The following DOCK1 variants were observed in gnomAD, a reference collection of about 807,000 sequenced individuals.
DOCK1 encodes the protein dedicator of cytokinesis protein 1.
Under a neutral mutation model 262.7 loss-of-function variants are expected in DOCK1, and 138 were observed. That is an observed-to-expected ratio of 0.53 (90% CI 0.46 to 0.61). The LOEUF (loss-of-function observed/expected upper bound fraction) is 0.61, where lower values mean the gene tolerates loss of function less well. DOCK1 is among the 20% of genes least tolerant of loss of function. The pLI, the probability that DOCK1 is intolerant of heterozygous loss-of-function variation, is 0.00. For synonymous variants in DOCK1, 866 were observed against 867.4 expected (o/e 1.00, Z 0.03); for missense variants, 1,908 against 2,370.7 (o/e 0.80, Z 4.05).
At position 127,373,812 on chromosome 10, in the gene DOCK1, A is replaced by T; in HGVS notation, c.3464A>T (p.His1155Leu). ...AATGAGATCATCACCAAGCTGGATC[A>T]TGAAGTCGAAGGAGGCAGAGGAGAC... is the stretch of plus-strand genomic sequence containing the variant. ...FENEIITKLD[H>L]EVEGGRGDEQ... The change falls in exon 34 of 52, where the codon CAT (histidine) becomes CTT (leucine). Residue 1155 changes from histidine to leucine, a missense_variant. Around this residue, in one of 9 missense-constraint regions of DOCK1, gnomAD observed 518 missense variants for 575.1 expected, o/e 0.90. Coordinates refer to ENST00000623213, the MANE Select transcript of DOCK1 (RefSeq NM_001290223.2). 1.2e-6 allele frequency: 2 copies of T among 1,611,944 alleles called. No individual in the cohort carries two copies. Among genetic ancestry groups the T allele is most frequent in the Non-Finnish European group, 1.7e-6 (2 of 1,179,056 alleles).
chr10:126,963,922 G>T (rs1482288113), intron 1 of DOCK1, among the ~76,000 whole-genome samples: 1 of 152,040 alleles, frequency 6.6e-6, no homozygotes, highest in Non-Finnish European at 1.5e-5. Context: ...ACTACAGGTC[G>T]TAGAAGCTTG....
At chr10:126,951,202 GGTA>G (rs1231144624) in intron 1 of DOCK1, among the ~76,000 whole-genome samples, 28 of 151,798 alleles carry the variant, frequency 1.8e-4, no homozygotes, top group South Asian at 1.5e-3. Context: ...TGGTAGTATT[GGTA>G]GTGGTGGTGG....
At chr10:126,951,399 T>C (rs1459429717) in intron 1 of DOCK1, among the ~76,000 whole-genome samples, 1 of 151,786 alleles carries the variant, frequency 6.6e-6, no homozygotes, top group Non-Finnish European at 1.5e-5. Flanking sequence ...ATGGTAGTAG[T>C]ATTGCTAATA....
At chr10:127,427,191 G>C (rs978746021) in intron 47 of DOCK1, among the ~76,000 whole-genome samples, 3 of 152,206 alleles carry the variant, frequency 2.0e-5, no homozygotes, top group African/African-American at 4.8e-5. Context: ...CGGCACTGAG[G>C]GGGTGTGCAC....
chr10:127,102,968 C>T lies in DOCK1; in HGVS notation c.2446-3263C>T, dbSNP rs1305741912. 4.6e-5 allele frequency among the ~76,000 whole-genome samples: 7 copies of T among 152,222 alleles called. No individual in the cohort carries two copies. The South Asian group carries it at 1.2e-3, about 27-fold the overall frequency. Reference sequence around the variant, plus strand: ...CCTGAGCCCCCTGTATTCCCCTGCCCGCTTCCCCACCAGCCACTGACATGC... The same window carrying T: ...CCTGAGCCCCCTGTATTCCCCTGCCTGCTTCCCCACCAGCCACTGACATGC... On this transcript the variant is annotated intron_variant, in intron 23 of 51. Transcript: ENST00000623213.
chr10:127,386,415 G>A (rs1332860683), intron 38 of DOCK1, among the ~76,000 whole-genome samples: 1 of 152,052 alleles, frequency 6.6e-6, no homozygotes, highest in African/African-American at 2.4e-5. Context: ...AGCAAGCAAA[G>A]CTTCATCTGT....
intron 33 of DOCK1, among the ~76,000 whole-genome samples, chr10:127,364,010 C>T (rs1306151740): frequency 1.3e-5 from 2 of 152,226 alleles, no homozygotes; most frequent in African/African-American, 4.8e-5. Context: ...ATCCCTAGCA[C>T]GGTGCCTGGC....
At chr10:127,111,053 T>C (rs1272632180) in intron 25 of DOCK1, among the ~76,000 whole-genome samples, 1 of 152,220 alleles carries the variant, frequency 6.6e-6, no homozygotes, top group Non-Finnish European at 1.5e-5. Context: ...CATTTGTGCC[T>C]GGACATTTGG....
intron 27 of DOCK1, among the ~76,000 whole-genome samples, chr10:127,164,108 C>T (rs1311202371): frequency 4.1e-5 from 6 of 146,612 alleles, no homozygotes; most frequent in African/African-American, 1.5e-4. Flanking sequence ...CAGCCGGGCT[C>T]CCTCTCCTCT....
chr10:126,917,195 A>T (rs959237118), intron 1 of DOCK1, among the ~76,000 whole-genome samples: 2 of 152,216 alleles, frequency 1.3e-5, no homozygotes, highest in Non-Finnish European at 2.9e-5. Flanking sequence ...GCGTGTGAAC[A>T]TTCACAGCAC....
At chr10:127,165,783 T>TA (rs1363893632) in intron 27 of DOCK1, among the ~76,000 whole-genome samples, 4 of 152,178 alleles carry the variant, frequency 2.6e-5, no homozygotes, top group Non-Finnish European at 5.9e-5. Context: ...TCCCTGGACT[T>TA]AAAGATCAAT....
chr10:127,265,140 T>C (rs1180012246), intron 29 of DOCK1, among the ~76,000 whole-genome samples: 3 of 152,258 alleles, frequency 2.0e-5, no homozygotes, highest in African/African-American at 4.8e-5. Context: ...TTGGTTATAA[T>C]TGGACTTGTC....
intron 37 of DOCK1, among the ~76,000 whole-genome samples, 159 bp downstream of exon 37, chr10:127,381,527 A>G (rs775055591): frequency 1.3e-5 from 2 of 152,250 alleles, no homozygotes; most frequent in South Asian, 4.1e-4. Context: ...ATATTTAGGA[A>G]GTACTTTGAT....
chr10:126,922,831 C>G lies in DOCK1; in HGVS notation c.46+17268C>G, dbSNP rs377398147. Among the ~76,000 whole-genome samples, 6 of 152,166 alleles carry G rather than the reference C, an allele frequency of 3.9e-5. No individual in the cohort carries two copies. The East Asian group carries it at 1.2e-3, about 29-fold the overall frequency. Reference sequence around the variant, plus strand: ...CCTCCTTTAAAAAAAAAGATGAGGACCGGGTACGGTGGCTCACGCCTATAA... The same window carrying G: ...CCTCCTTTAAAAAAAAAGATGAGGAGCGGGTACGGTGGCTCACGCCTATAA... On this transcript the variant is annotated intron_variant, in intron 1 of 51. Transcript: ENST00000623213.
At chr10:126,987,206 C>T (rs1043319549) in intron 4 of DOCK1, among the ~76,000 whole-genome samples, 2 of 152,138 alleles carry the variant, frequency 1.3e-5, no homozygotes, top group Non-Finnish European at 2.9e-5. Flanking sequence ...TATGAATATA[C>T]TTTCCTTTTG....
intron 1 of DOCK1, among the ~76,000 whole-genome samples, chr10:126,919,312 A>T (rs1480405630): frequency 1.3e-5 from 2 of 152,222 alleles, no homozygotes; most frequent in Non-Finnish European, 2.9e-5. Context: ...ACCAGAGGCA[A>T]ATACCGATTT....
Position 127,439,320 on chromosome 10 carries a change from T to C in DOCK1, c.5259+95T>C, listed in dbSNP as rs188903131. Reference sequence around the variant, plus strand: ...CAACAGGGCTGACGGTGGGCTCTTATTGAACTTGTTATAAATTAGCAACTC... The same window carrying C: ...CAACAGGGCTGACGGTGGGCTCTTACTGAACTTGTTATAAATTAGCAACTC... On this transcript the variant is annotated intron_variant, in intron 49 of 51. Coordinates refer to ENST00000623213, the MANE Select transcript of DOCK1 (RefSeq NM_001290223.2). 3 of 1,292,600 alleles carry C rather than the reference T, an allele frequency of 2.3e-6. No homozygotes were observed. In the East Asian group the frequency reaches 7.6e-5, roughly 33 times the overall value. 80.1% of individuals were successfully genotyped at this position (1,292,600 alleles called of 1,614,324 possible).
rs751916779 is a variant in DOCK1 at position 127,409,055 on chromosome 10, C to T, written c.4141C>T (p.Arg1381Ter). The T allele has an allele frequency of 6.9e-6, 11 of 1,587,560 alleles. No homozygotes were observed. The highest frequency in any genetic ancestry group is 9.4e-6 in the Non-Finnish European group (11 of 1,165,762). Reference protein sequence around the residue: ...TFLRGKVFIYRGKEYERREDF... With the variant: ...TFLRGKVFIY The stretch of plus-strand genomic sequence containing the variant: ...TTTTCAGGGAAAAGTTTTCATTTAC[C>T]GAGGGAAAGAGTATGAGCGCCGGGA... Residue 1381 changes from arginine to a stop codon, truncating the protein, a stop_gained, in exon 41 of 52, where the codon CGA becomes TGA. Transcript: ENST00000623213. LOFTEE classifies it high-confidence loss of function.
chr10:127,233,310 C>T (rs960732980), intron 27 of DOCK1, among the ~76,000 whole-genome samples: 2 of 151,958 alleles, frequency 1.3e-5, no homozygotes, highest in African/African-American at 2.4e-5. Context: ...TCATTATGTC[C>T]GTATAAACAT....
Sources: gnomAD v4.1 joint callset for allele counts (sites outside exome capture counted in the v4.1 genomes callset) on GRCh38, gnomAD v4.1.1 for gene constraint, gnomAD v4.1.1 regional missense constraint, MANE v1.5 for transcripts, NCBI Gene and HGNC (gene_info 2026-07-23, HGNC 2026-07-21) for gene names.